The following RFTN1 variants were observed in gnomAD, a reference collection of about 807,000 sequenced individuals.
RFTN1 encodes the protein raftlin, lipid raft linker 1.
A neutral mutation model predicts 46.5 loss-of-function variants in RFTN1; 26 were observed. The observed-to-expected ratio is 0.56, with a 90% CI of 0.41 to 0.78. The LOEUF is 0.78. Ranked by LOEUF, RFTN1 falls within the 30% of genes least tolerant of loss-of-function variation. The pLI is 0.00. For synonymous variants in RFTN1, 261 were observed against 284.2 expected, an observed-to-expected ratio of 0.92 and a Z score of 0.82; for missense variants, 693 against 718.7, an observed-to-expected ratio of 0.96 and a Z score of 0.41.
Position 16,358,040 on chromosome 3 carries a change from T to A in RFTN1, c.1038A>T (p.Leu346Phe). ...VFYLGIVNDS[L>F]HGLTDGVFIF... is the part of the protein sequence containing the mutation. Reference sequence around the variant, plus strand: ...TGAATACTCCATCTGTCAAGCCATGTAAGGAATCTGTGGAAAAAGAAAAAG... The same window carrying A: ...TGAATACTCCATCTGTCAAGCCATGAAAGGAATCTGTGGAAAAAGAAAAAG... Residue 346 changes from leucine to phenylalanine, a missense_variant, in exon 7 of 10, where the codon TTA (leucine) becomes TTT (phenylalanine). Physicochemically the swap from Leu to Phe is conservative, Grantham distance 22. Coordinates refer to ENST00000334133, the MANE Select transcript of RFTN1 (RefSeq NM_015150.2). 1.4e-6 allele frequency: 2 copies of A among 1,413,446 alleles called. No individual in the cohort carries two copies. The highest frequency in any genetic ancestry group is 1.9e-6 in the Non-Finnish European group (2 of 1,053,734). 87.6% of individuals were successfully genotyped at this position (1,413,446 alleles called of 1,614,324 possible).
At position 16,400,649 on chromosome 3, in the gene RFTN1, T is replaced by C. The variant is rs2074577683; in HGVS notation, c.441+8726A>G. 6.6e-6 allele frequency among the ~76,000 whole-genome samples: 1 copy of C among 152,138 alleles called. No individual in the cohort carries two copies. The highest frequency in any genetic ancestry group is 2.1e-4 in the South Asian group (1 of 4,826). Reference sequence around the variant, plus strand: ...GGAGAAAATGAAGCACAAGAAAGTATCTCCTTTTTTGGGGAGTGATTGAGA... The same window carrying C: ...GGAGAAAATGAAGCACAAGAAAGTACCTCCTTTTTTGGGGAGTGATTGAGA... On this transcript the variant is annotated intron_variant, in intron 4 of 9. Transcript: ENST00000334133. This position sits in a 1 kb window ranked among gnomAD's most constrained non-coding sequence, Gnocchi z 4.5.
rs2073766580 is a variant in RFTN1, at chr3:16,376,272, C to T, written c.826+1446G>A. On this transcript the variant is annotated intron_variant, in intron 5 of 9. Coordinates refer to ENST00000334133, the MANE Select transcript of RFTN1 (RefSeq NM_015150.2). This position sits in a 1 kb window ranked among gnomAD's most constrained non-coding sequence, Gnocchi z 4.7. ...AACCTTTCCATGAGAAACTATCGTTCTATCCCCATTTCAAAGGGTGAGAAA... is the reference window on the plus strand; with the variant it reads ...AACCTTTCCATGAGAAACTATCGTTTTATCCCCATTTCAAAGGGTGAGAAA... 6.6e-6 allele frequency among the ~76,000 whole-genome samples: 1 copy of T among 152,306 alleles called. No homozygotes were observed. Among genetic ancestry groups the T allele is most frequent in the African/African-American group, 2.4e-5 (1 of 41,554 alleles).
In RFTN1 at chr3:16,361,899, G is replaced by A. The variant is rs115849680; in HGVS notation, c.1031-3852C>T. On this transcript the variant is annotated intron_variant, in intron 6 of 9. Transcript: ENST00000334133. This position sits in a 1 kb window ranked among gnomAD's most constrained non-coding sequence, Gnocchi z 4.3. ...AATGGAGCAGAGCTGCCGCAGTGGA[G>A]CCCAGCTGAGACCAGTTCTGCCTCA... 5.6e-3 allele frequency among the ~76,000 whole-genome samples: 854 copies of A among 152,358 alleles called. 9 individuals carry two copies. The highest frequency in any genetic ancestry group is 0.019 in the African/African-American group (796 of 41,568).
At chr3:16,379,142 G>A (rs2073892653) in intron 4 of RFTN1, among the ~76,000 whole-genome samples, 1 of 152,146 alleles carries the variant, frequency 6.6e-6, no homozygotes, top group African/African-American at 2.4e-5. Context: ...AAATCTTGAG[G>A]CCTCTGCAAT....
chr3:16,349,206 CAAG>C (rs749854769), intron 7 of RFTN1: 3 of 152,184 alleles, frequency 2.0e-5, no homozygotes, highest in Non-Finnish European at 4.4e-5. Context: ...TCTCCAGAGA[CAAG>C]AAGAAAAAGA....
chr3:16,318,815 G>A lies in RFTN1; in HGVS notation c.1333-1583C>T, dbSNP rs545795639. 3.9e-5 allele frequency among the ~76,000 whole-genome samples: 6 copies of A among 152,250 alleles called. 1 individual carries two copies. In the South Asian group the frequency reaches 1.0e-3, roughly 26 times the overall value. On this transcript the variant is annotated intron_variant, in intron 9 of 9. Coordinates refer to ENST00000334133, the MANE Select transcript of RFTN1 (RefSeq NM_015150.2). ...CCTTTGACTTCTTTTGAAATGTCTC[G>A]TACTGTAGCTGACAGACTTCCCTTA...
intron 7 of RFTN1, among the ~76,000 whole-genome samples, chr3:16,347,097 T>C (rs1018983033): frequency 3.9e-5 from 6 of 152,138 alleles, no homozygotes; most frequent in African/African-American, 1.5e-4. Flanking sequence ...TCCCCCATTC[T>C]GGCCCTTTCT....
chr3:16,508,692 GCACGCACACACACACACA>G (rs1173938575), intron 1 of RFTN1, among the ~76,000 whole-genome samples: 4 of 87,702 alleles, frequency 4.6e-5, no homozygotes, highest in African/African-American at 1.7e-4. Flanking sequence ...AAGATCACAC[GCACGCACACACACACACA>G]CACACACACA....
At chr3:16,371,307 C>G (rs2073489975) in intron 5 of RFTN1, among the ~76,000 whole-genome samples, 1 of 152,234 alleles carries the variant, frequency 6.6e-6, no homozygotes, top group African/African-American at 2.4e-5. Context: ...CCCACACTCT[C>G]TGATGCTGTT....
Position 16,433,735 on chromosome 3 carries a change from G to T in RFTN1, c.332+116C>A. On this transcript the variant is annotated intron_variant, in intron 3 of 9. Coordinates refer to ENST00000334133, the MANE Select transcript of RFTN1 (RefSeq NM_015150.2). The surrounding 1 kb of genome is among the most constrained non-coding windows in gnomAD (Gnocchi z 4.4). ...TTGCCTCACCTGTCTGAGGGCTGAG[G>T]CCCTGAGGACAGCATGCAAATTTCA... The T allele has an allele frequency of 1.9e-6, 2 of 1,037,156 alleles. No individual in the cohort carries two copies. Among genetic ancestry groups the T allele is most frequent in the Non-Finnish European group, 1.5e-6 (1 of 670,296 alleles). The allele number at this position is 1,037,156 out of a possible 1,614,324, so 64.2% of individuals were successfully genotyped here. A position where few individuals can be genotyped will look rare whatever the true frequency, so the allele number is the denominator to read the frequency against.
intron 3 of RFTN1, among the ~76,000 whole-genome samples, chr3:16,415,430 TACACAC>T (rs1553589390): frequency 4.4e-5 from 5 of 114,334 alleles, no homozygotes; most frequent in South Asian, 2.9e-4. Flanking sequence ...TATATATATA[TACACAC>T]ACACACACAC....
In RFTN1 at chr3:16,507,814, CAT is replaced by C. The variant is rs2076834723; in HGVS notation, c.-9+5626_-9+5627del. On this transcript the variant is annotated intron_variant, in intron 1 of 9. Coordinates refer to ENST00000334133, the MANE Select transcript of RFTN1 (RefSeq NM_015150.2). The surrounding 1 kb of genome is among the most constrained non-coding windows in gnomAD (Gnocchi z 7.1). The stretch of plus-strand genomic sequence containing the variant: ...ACACAAACACACACAAACGCACATA[CAT>C]ACATACATACACACACACACACATA... Among the ~76,000 whole-genome samples the C allele has an allele frequency of 7.6e-6, 1 of 130,984 alleles. No individual in the cohort carries two copies. The highest frequency in any genetic ancestry group is 2.8e-5 in the African/African-American group (1 of 35,128). The allele number at this position is 130,984 out of a possible 152,430, so 85.9% of individuals were successfully genotyped here.
At chr3:16,398,527 C>T (rs903269366) in intron 4 of RFTN1, among the ~76,000 whole-genome samples, 11 of 152,186 alleles carry the variant, frequency 7.2e-5, no homozygotes, top group African/African-American at 2.4e-4. Context: ...TGCCCCAGCT[C>T]ATCCACTGCC....
Position 16,413,337 on chromosome 3 carries a change from C to T in RFTN1, c.333-3854G>A, listed in dbSNP as rs1386894339. 1.3e-5 allele frequency among the ~76,000 whole-genome samples: 2 copies of T among 152,228 alleles called. No homozygotes were observed. The highest frequency in any genetic ancestry group is 3.8e-4 in the East Asian group (2 of 5,198). ...CTAGAAGTGACCTCCAGGGCTGTGGCCTGGTTGTCCAAGATACCACAGGAC... is the reference window on the plus strand; with the variant it reads ...CTAGAAGTGACCTCCAGGGCTGTGGTCTGGTTGTCCAAGATACCACAGGAC... On this transcript the variant is annotated intron_variant, in intron 3 of 9. Coordinates refer to ENST00000334133, the MANE Select transcript of RFTN1 (RefSeq NM_015150.2). This position sits in a 1 kb window ranked among gnomAD's most constrained non-coding sequence, Gnocchi z 4.7.
Position 16,509,562 on chromosome 3 carries a change from T to C in RFTN1, c.-9+3880A>G, listed in dbSNP as rs976120937. 1.9e-4 allele frequency among the ~76,000 whole-genome samples: 29 copies of C among 152,240 alleles called. No individual in the cohort carries two copies. Among genetic ancestry groups the C allele is most frequent in the African/African-American group, 7.0e-4 (29 of 41,462 alleles). On this transcript the variant is annotated intron_variant, in intron 1 of 9. Coordinates refer to ENST00000334133, the MANE Select transcript of RFTN1 (RefSeq NM_015150.2). This position sits in a 1 kb window ranked among gnomAD's most constrained non-coding sequence, Gnocchi z 4.9. ...AGCAAGTGGCAGCTATAATTATTTG[T>C]ATTTTATTAACAATATTAAAATCAG...
chr3:16,464,336 C>T (rs1288439452), intron 2 of RFTN1, among the ~76,000 whole-genome samples: 1 of 152,204 alleles, frequency 6.6e-6, no homozygotes, highest in African/African-American at 2.4e-5. Flanking sequence ...TACAGATCGT[C>T]AGCTCACCTC....
At chr3:16,340,257 T>A (rs1253732075) in intron 7 of RFTN1, among the ~76,000 whole-genome samples, 4 of 152,256 alleles carry the variant, frequency 2.6e-5, no homozygotes, top group Non-Finnish European at 2.9e-5. Flanking sequence ...ACAAATATGA[T>A]GCAAACCGCA....
At chr3:16,439,043 C>A (rs1054753791) in intron 2 of RFTN1, among the ~76,000 whole-genome samples, 3 of 152,082 alleles carry the variant, frequency 2.0e-5, no homozygotes, top group African/African-American at 7.2e-5. Context: ...CAAAGCTGAG[C>A]AATTTTGTGG....
chr3:16,365,411 G>A (rs534268021), intron 6 of RFTN1, among the ~76,000 whole-genome samples: 20 of 146,840 alleles, frequency 1.4e-4, no homozygotes, highest in South Asian at 2.3e-4. Flanking sequence ...GGTTGGTTGC[G>A]AGTATGTCTG....
Sources: gnomAD v4.1 joint callset for allele counts (sites outside exome capture counted in the v4.1 genomes callset) on GRCh38, gnomAD v4.1.1 for gene constraint, Gnocchi (gnomAD v3.1) non-coding constraint, MANE v1.5 for transcripts, NCBI Gene and HGNC (gene_info 2026-07-23, HGNC 2026-07-21) for gene names.